The following ACADL variants were observed in gnomAD, a reference collection of about 807,000 sequenced individuals.
ACADL encodes long-chain specific acyl-CoA dehydrogenase, mitochondrial.
In ACADL, 60 loss-of-function variants were observed where a neutral mutation model predicts 56.9. The observed-to-expected ratio is 1.05, with a 90% CI of 0.86 to 1.31. ACADL has a LOEUF of 1.31. Ranked by LOEUF, ACADL falls within the 50% of genes most tolerant of loss-of-function variation. The pLI is 0.00. For synonymous variants in ACADL, 158 were observed against 179.7 expected, an observed-to-expected ratio of 0.88 and a Z score of 0.97; for missense variants, 484 against 525.5, an observed-to-expected ratio of 0.92 and a Z score of 0.77.
chr2:210,225,110 C>A, intron 1 of ACADL, 77 bp downstream of exon 1: 1 of 1,524,580 alleles, frequency 6.6e-7, no homozygotes. Flanking sequence ...CTGCTTCAAG[C>A]CAGCGACAGG....
At chr2:210,199,058 TATAGTTATAA>T (rs1688754447) in intron 8 of ACADL, among the ~76,000 whole-genome samples, 2 of 152,104 alleles carry the variant, frequency 1.3e-5, no homozygotes, top group South Asian at 4.1e-4. Context: ...TGAATAGTTA[TATAGTTATAA>T]AATGACATGT....
At chr2:210,207,849 G>T (rs1355817676) in intron 5 of ACADL, among the ~76,000 whole-genome samples, 1 of 152,174 alleles carries the variant, frequency 6.6e-6, no homozygotes, top group Non-Finnish European at 1.5e-5. Context: ...CTTACTAGGA[G>T]CTCATAGCCA....
chr2:210,210,129 C>T, intron 5 of ACADL, 67 bp downstream of exon 5: 1 of 1,196,908 alleles, frequency 8.4e-7, no homozygotes, highest in Non-Finnish European at 1.2e-6. Flanking sequence ...AATGAGTTGT[C>T]TTTGAGACAT....
rs754366098 is a variant in ACADL at position 210,203,453 on chromosome 2, C to T, written c.871-9G>A. 7 of 1,588,332 alleles carry T rather than the reference C, an allele frequency of 4.4e-6. No individual in the cohort carries two copies. Among genetic ancestry groups the T allele is most frequent in the Non-Finnish European group, 6.0e-6 (7 of 1,158,068 alleles). ...GCAATTAACAGCCTTTCCTATAACA[C>T]AAAAATTAGGTCTTAAACATTACTC... On this transcript the variant is annotated splice_polypyrimidine_tract_variant and intron_variant, in intron 7 of 10. Coordinates refer to ENST00000233710, the MANE Select transcript of ACADL (RefSeq NM_001608.4).
chr2:210,197,854 A>G (rs1688733766), intron 8 of ACADL, among the ~76,000 whole-genome samples: 1 of 152,230 alleles, frequency 6.6e-6, no homozygotes. Context: ...GCATTCAGTG[A>G]AGTCCAGAGG....
intron 1 of ACADL, chr2:210,224,986 C>T: frequency 7.1e-7 from 1 of 1,398,748 alleles, no homozygotes; most frequent in Non-Finnish European, 9.2e-7. Context: ...GGCTGACACC[C>T]CTTTTTCCTC....
chr2:210,220,605 AC>A lies in ACADL; in HGVS notation c.233+41del, dbSNP rs1178681103. 2.5e-6 allele frequency: 4 copies of A among 1,574,194 alleles called. No homozygotes were observed. The African/African-American group carries it at 5.4e-5, about 21-fold the overall frequency. ...GCATTCTAGGAAATGGTCCTATAAT[AC>A]CCCTAGTATACATTACATTAGAGGA... On this transcript the variant is annotated intron_variant, in intron 2 of 10. Transcript: ENST00000233710.
chr2:210,193,706 C>G (rs1688670214), intron 9 of ACADL, among the ~76,000 whole-genome samples: 1 of 151,880 alleles, frequency 6.6e-6, no homozygotes, highest in Non-Finnish European at 1.5e-5. Flanking sequence ...CTCACCCACT[C>G]TAGGGCCTAG....
At chr2:210,202,855 T>G (rs1461451211) in intron 8 of ACADL, among the ~76,000 whole-genome samples, 2 of 152,160 alleles carry the variant, frequency 1.3e-5, no homozygotes, top group African/African-American at 4.8e-5. Context: ...CATTTCTATC[T>G]ACTCATCGGG....
intron 9 of ACADL, 85 bp downstream of exon 9, chr2:210,195,126 A>AG: frequency 6.4e-7 from 1 of 1,554,816 alleles, no homozygotes; most frequent in Non-Finnish European, 8.9e-7. Flanking sequence ...TCTTCCTTTA[A>AG]GACCCTCAAG....
intron 1 of ACADL, among the ~76,000 whole-genome samples, chr2:210,223,056 T>C (rs1385956899): frequency 6.6e-6 from 1 of 152,214 alleles, no homozygotes; most frequent in Admixed American, 6.5e-5. Context: ...CGAGTCTTAC[T>C]GGATCTTAAA....
chr2:210,225,321 C>CG lies in ACADL; in HGVS notation c.-59dup. ...GCGACTCTGCGGCTACTCGGCGACT[C>CG]GGGGCAGGGTCCCCGGGAGGGAGGA... On this transcript the variant is annotated 5_prime_UTR_variant, in exon 1 of 11. Transcript: ENST00000233710. 1 of 1,510,610 alleles carries CG rather than the reference C, an allele frequency of 6.6e-7. No homozygotes were observed. The highest frequency in any genetic ancestry group is 1.2e-5 in the South Asian group (1 of 82,818). The allele number at this position is 1,510,610 out of a possible 1,614,324, so 93.6% of individuals were successfully genotyped here.
chr2:210,191,160 G>A (rs950638947), intron 10 of ACADL, among the ~76,000 whole-genome samples: 4 of 151,982 alleles, frequency 2.6e-5, no homozygotes, highest in East Asian at 1.9e-4. Flanking sequence ...TGATCCACCC[G>A]CTTTGGCATC....
At chr2:210,225,113 G>A (rs977241392) in intron 1 of ACADL, 74 bp downstream of exon 1, 3 of 1,523,766 alleles carry the variant, frequency 2.0e-6, no homozygotes, top group Non-Finnish European at 2.6e-6. Flanking sequence ...CTTCAAGCCA[G>A]CGACAGGAGT....
Position 210,217,675 on chromosome 2 carries a change from T to G in ACADL, c.371+290A>C, listed in dbSNP as rs933220859. The stretch of plus-strand genomic sequence containing the variant: ...TTCTACTCTGCTGTTCTCTTTCAAA[T>G]ATCTTTTCTAAGGGGGAAAAGTAAC... On this transcript the variant is annotated intron_variant, in intron 3 of 10. Coordinates refer to ENST00000233710, the MANE Select transcript of ACADL (RefSeq NM_001608.4). The G allele has an allele frequency of 8.9e-6, 3 of 336,724 alleles. No individual in the cohort carries two copies. In the Admixed American group the frequency reaches 1.3e-4, roughly 15 times the overall value. 20.9% of individuals were successfully genotyped at this position (336,724 alleles called of 1,614,324 possible).
rs370231553 is a variant in ACADL at position 210,220,036 on chromosome 2, T to A, written c.233+611A>T. On this transcript the variant is annotated intron_variant, in intron 2 of 10. Transcript: ENST00000233710. ...CTTCTAATTTCTGCTTCTAACATAA[T>A]AACGGTGCCGAGAATTTTTTTGTTT... Among the ~76,000 whole-genome samples, 12 of 150,708 alleles carry A rather than the reference T, an allele frequency of 8.0e-5. No homozygotes were observed. In the East Asian group the frequency reaches 1.9e-3, roughly 24 times the overall value.
At chr2:210,208,353 A>T (rs1688923735) in intron 5 of ACADL, among the ~76,000 whole-genome samples, 1 of 152,222 alleles carries the variant, frequency 6.6e-6, no homozygotes, top group African/African-American at 2.4e-5. Flanking sequence ...GGATTAATAA[A>T]ATCTGAACCA....
Position 210,188,032 on chromosome 2 carries a change from A to T in ACADL, c.*929T>A, listed in dbSNP as rs1688574335. 6.6e-6 allele frequency: 1 copy of T among 152,110 alleles called. No individual in the cohort carries two copies. Among genetic ancestry groups the T allele is most frequent in the African/African-American group, 2.4e-5 (1 of 41,420 alleles). 9.4% of individuals were successfully genotyped at this position (152,110 alleles called of 1,614,324 possible). A position where few individuals can be genotyped will look rare whatever the true frequency, so the allele number is the denominator to read the frequency against. ...TTACTTTATTATTTACATTGCACTT[A>T]TGCTTGAAATTATCTCTTTTACATA... is the stretch of plus-strand genomic sequence containing the variant. On this transcript the variant is annotated 3_prime_UTR_variant, in exon 11 of 11. Coordinates refer to ENST00000233710, the MANE Select transcript of ACADL (RefSeq NM_001608.4).
At position 210,195,047 on chromosome 2, in the gene ACADL, T is replaced by C. The variant is rs1231107596; in HGVS notation, c.1112+164A>G. ...AAACATTTTTAGCACATTATACATA[T>C]GCTTAATGGAACTTTTTAGCATTTT... On this transcript the variant is annotated intron_variant, in intron 9 of 10. Transcript: ENST00000233710. 2.0e-5 allele frequency among the ~76,000 whole-genome samples: 3 copies of C among 152,126 alleles called. No individual in the cohort carries two copies. The East Asian group carries it at 5.8e-4, about 29-fold the overall frequency.
Sources: allele counts gnomAD v4.1 joint callset (sites outside exome capture counted in the v4.1 genomes callset), GRCh38; gene constraint gnomAD v4.1.1; transcripts MANE v1.5; gene names NCBI Gene and HGNC (gene_info 2026-07-23, HGNC 2026-07-21).